PTPRN2: variants seen among roughly 807,000 people sequenced by gnomAD.
PTPRN2 encodes receptor-type tyrosine-protein phosphatase N2.
A neutral mutation model predicts 118.8 loss-of-function variants in PTPRN2; 74 were observed. The observed-to-expected ratio is 0.62, with a 90% CI of 0.52 to 0.76. The LOEUF (loss-of-function observed/expected upper bound fraction) is 0.76. Ranked by LOEUF, PTPRN2 falls within the 30% of genes least tolerant of loss-of-function variation. The pLI is 0.00. For synonymous variants in PTPRN2, 641 were observed against 608.0 expected, an observed-to-expected ratio of 1.05 and a Z score of -0.80; for missense variants, 1,481 against 1,394.4, an observed-to-expected ratio of 1.06 and a Z score of -0.99.
rs530222151 is a variant in PTPRN2, at chr7:158,480,060, G to C, written c.163+9675C>G. Among the ~76,000 whole-genome samples the C allele has an allele frequency of 3.3e-5, 5 of 152,326 alleles. No homozygotes were observed. The South Asian group carries it at 1.0e-3, about 32-fold the overall frequency. On this transcript the variant is annotated intron_variant, in intron 2 of 22. Coordinates refer to ENST00000389418, the MANE Select transcript of PTPRN2 (RefSeq NM_002847.5). Reference sequence around the variant, plus strand: ...GCAGCACAAATTGAATTCACTGCTTGATCAAACCTAAATAAAGAGTCTGAG... The same window carrying C: ...GCAGCACAAATTGAATTCACTGCTTCATCAAACCTAAATAAAGAGTCTGAG...
Position 157,934,095 on chromosome 7 carries a change from T to G in PTPRN2, c.1724-35358A>C, listed in dbSNP as rs867555267. Reference sequence around the variant, plus strand: ...AACACCAGGGACATCATCTTTTGTGTTCTTTGTGCATCAGCTCAAGGGCAC... The same window carrying G: ...AACACCAGGGACATCATCTTTTGTGGTCTTTGTGCATCAGCTCAAGGGCAC... On this transcript the variant is annotated intron_variant, in intron 11 of 22. Coordinates refer to ENST00000389418, the MANE Select transcript of PTPRN2 (RefSeq NM_002847.5). Among the ~76,000 whole-genome samples, 6 of 152,330 alleles carry G rather than the reference T, an allele frequency of 3.9e-5. No homozygotes were observed. In the South Asian group the frequency reaches 1.2e-3, roughly 32 times the overall value.
intron 12 of PTPRN2, among the ~76,000 whole-genome samples, chr7:157,685,264 GC>G (rs1442148151): frequency 6.6e-6 from 1 of 151,930 alleles, no homozygotes; most frequent in African/African-American, 2.4e-5. Context: ...CGGCCCCGCT[GC>G]CCCGGCGTCG....
intron 12 of PTPRN2, among the ~76,000 whole-genome samples, chr7:157,814,234 C>T (rs1391480337): frequency 6.6e-6 from 1 of 152,220 alleles, no homozygotes; most frequent in Non-Finnish European, 1.5e-5. Context: ...GCAAACCTCC[C>T]ATTTCCTCCC....
rs1209156631 is a variant in PTPRN2, at chr7:157,898,555, GGAAAACAGGACCT to G, written c.1788+105_1788+117del. The G allele has an allele frequency of 3.7e-6, 4 of 1,079,676 alleles. No homozygotes were observed. The East Asian group carries it at 9.5e-5, about 26-fold the overall frequency. The allele number at this position is 1,079,676 out of a possible 1,614,324, so 66.9% of individuals were successfully genotyped here. ...CTGCTGCAGCCCACTGGTCCTCCCA[GGAAAACAGGACCT>G]TGGCTGAATTAACCTGCAGGTCCAG... On this transcript the variant is annotated intron_variant, in intron 12 of 22. Transcript: ENST00000389418.
chr7:158,425,971 A>T (rs71547540), intron 2 of PTPRN2, among the ~76,000 whole-genome samples: 10,859 of 42,440 alleles, frequency 0.26, 2,621 homozygotes, highest in Non-Finnish European at 0.3. Flanking sequence ...AGAGTCCGAG[A>T]CCAGCCTAGC....
chr7:157,775,650 C>T (rs137876833), intron 12 of PTPRN2, among the ~76,000 whole-genome samples: 7 of 152,262 alleles, frequency 4.6e-5, no homozygotes, highest in Middle Eastern at 3.4e-3. Context: ...GGGGCTGAGG[C>T]GGGCGCAGCC....
At chr7:158,342,073 T>C (rs1190756877) in intron 2 of PTPRN2, among the ~76,000 whole-genome samples, 1 of 120,820 alleles carries the variant, frequency 8.3e-6, no homozygotes, top group Admixed American at 8.7e-5. Flanking sequence ...ACATCCACAC[T>C]CTCACCAGAA....
At chr7:158,581,280 T>C (rs1186440764) in intron 1 of PTPRN2, among the ~76,000 whole-genome samples, 1 of 152,182 alleles carries the variant, frequency 6.6e-6, no homozygotes, top group African/African-American at 2.4e-5. Flanking sequence ...TCTTTCTATC[T>C]GTAAATTGAA....
At chr7:157,656,695 C>G in intron 13 of PTPRN2, 144 bp from the exon 14 acceptor site, 1 of 860,394 alleles carries the variant, frequency 1.2e-6, no homozygotes, top group Non-Finnish European at 1.8e-6. Flanking sequence ...CCAGGGCAGG[C>G]CAGCGCAACA....
Position 157,585,305 on chromosome 7 carries a change from C to A in PTPRN2, c.2497-7165G>T, listed in dbSNP as rs1800617566. 6.6e-6 allele frequency among the ~76,000 whole-genome samples: 1 copy of A among 152,090 alleles called. No homozygotes were observed. The stretch of plus-strand genomic sequence containing the variant: ...GGAGGAAGGGGAAGCCTCAGAACAC[C>A]AGCAGTATTGCTGCCCAGGAGGAAG... On this transcript the variant is annotated intron_variant, in intron 17 of 22. Transcript: ENST00000389418. The surrounding 1 kb of genome is among the most constrained non-coding windows in gnomAD (Gnocchi z 5.2).
intron 2 of PTPRN2, among the ~76,000 whole-genome samples, chr7:158,319,430 A>ACACAGCCTCCCTCACACACG (rs1802649034): frequency 2.1e-4 from 19 of 90,782 alleles, no homozygotes; most frequent in African/African-American, 6.9e-4. Context: ...ACACACACAC[A>ACACAGCCTCCCTCACACACG]CACACAGCCT....
At position 158,412,608 on chromosome 7, in the gene PTPRN2, T is replaced by C. The variant is rs1247628888; in HGVS notation, c.163+77127A>G. Reference sequence around the variant, plus strand: ...CTCCTCAGCTCCAGGGCCCATCCAGTGCCCTCCTCAGCACCAGGGCCCACC... The same window carrying C: ...CTCCTCAGCTCCAGGGCCCATCCAGCGCCCTCCTCAGCACCAGGGCCCACC... On this transcript the variant is annotated intron_variant, in intron 2 of 22. Coordinates refer to ENST00000389418, the MANE Select transcript of PTPRN2 (RefSeq NM_002847.5). Among the ~76,000 whole-genome samples, 435 of 55,334 alleles carry C rather than the reference T, an allele frequency of 7.9e-3. 28 individuals carry two copies. The highest frequency in any genetic ancestry group is 0.034 in the African/African-American group (394 of 11,660). The allele number at this position is 55,334 out of a possible 152,430, so 36.3% of individuals were successfully genotyped here.
intron 14 of PTPRN2, among the ~76,000 whole-genome samples, chr7:157,623,616 A>G (rs1205629734): frequency 6.6e-6 from 1 of 152,268 alleles, no homozygotes. Context: ...AAGCAAAATT[A>G]CACTCTAAGT....
At chr7:158,313,844 A>G (rs1373944668) in intron 3 of PTPRN2, among the ~76,000 whole-genome samples, 4 of 152,234 alleles carry the variant, frequency 2.6e-5, no homozygotes, top group Non-Finnish European at 5.9e-5. Flanking sequence ...CTTTAAAATC[A>G]TAGGTGAGAA....
chr7:158,253,828 C>T (rs190440050), intron 3 of PTPRN2, among the ~76,000 whole-genome samples: 11 of 152,296 alleles, frequency 7.2e-5, no homozygotes, highest in East Asian at 3.9e-4. Flanking sequence ...ATTCTCGAGC[C>T]GCTGGCATCC....
Position 157,808,801 on chromosome 7 carries a change from C to A in PTPRN2, c.1788+89872G>T, listed in dbSNP as rs1210616973. On this transcript the variant is annotated intron_variant, in intron 12 of 22. Coordinates refer to ENST00000389418, the MANE Select transcript of PTPRN2 (RefSeq NM_002847.5). This position sits in a 1 kb window ranked among gnomAD's most constrained non-coding sequence, Gnocchi z 5.0. ...AGTATGGACCGCTGTCCTGGACAAA[C>A]CCTGGGCCTGGAATTGACCTTGTTG... 3.3e-5 allele frequency among the ~76,000 whole-genome samples: 5 copies of A among 152,182 alleles called. No homozygotes were observed. Among genetic ancestry groups the A allele is most frequent in the Non-Finnish European group, 7.3e-5 (5 of 68,040 alleles).
chr7:158,569,539 G>A (rs1028948285), intron 1 of PTPRN2, among the ~76,000 whole-genome samples: 2 of 152,244 alleles, frequency 1.3e-5, no homozygotes, highest in African/African-American at 4.8e-5. Flanking sequence ...TGCTCTCAGG[G>A]TCCTGCTGGG....
At chr7:158,284,866 AAGC>A (rs1488064763) in intron 3 of PTPRN2, among the ~76,000 whole-genome samples, 1 of 152,204 alleles carries the variant, frequency 6.6e-6, no homozygotes, top group Non-Finnish European at 1.5e-5. Flanking sequence ...TGGACTTTTA[AAGC>A]AGCAGTGCCT....
chr7:157,560,482 C>T lies in PTPRN2; in HGVS notation c.2902+8420G>A, dbSNP rs1402715703. Among the ~76,000 whole-genome samples, 1 of 152,192 alleles carries T rather than the reference C, an allele frequency of 6.6e-6. No individual in the cohort carries two copies. The highest frequency in any genetic ancestry group is 1.9e-4 in the East Asian group (1 of 5,190). Reference sequence around the variant, plus strand: ...TCAGCCACGCCCCCGGACCACTGCTCCAACCAGCGTTCGTCGTCAGCCCCT... The same window carrying T: ...TCAGCCACGCCCCCGGACCACTGCTTCAACCAGCGTTCGTCGTCAGCCCCT... On this transcript the variant is annotated intron_variant, in intron 21 of 22. Coordinates refer to ENST00000389418, the MANE Select transcript of PTPRN2 (RefSeq NM_002847.5). The surrounding 1 kb of genome is among the most constrained non-coding windows in gnomAD (Gnocchi z 6.7).
Sources: allele counts gnomAD v4.1 joint callset (sites outside exome capture counted in the v4.1 genomes callset), GRCh38; gene constraint gnomAD v4.1.1; non-coding constraint Gnocchi (gnomAD v3.1); transcripts MANE v1.5; gene names NCBI Gene and HGNC (gene_info 2026-07-23, HGNC 2026-07-21).